The following DIP2B variants were observed in gnomAD, a reference collection of about 807,000 sequenced individuals.
DIP2B encodes the protein disco-interacting protein 2 homolog B.
Under a neutral mutation model 198.0 loss-of-function variants are expected in DIP2B, and 76 were observed. The ratio of observed to expected loss-of-function variants is 0.38; its 90% confidence interval spans 0.32 to 0.46. The LOEUF (loss-of-function observed/expected upper bound fraction) is 0.46. Ranked by LOEUF, DIP2B falls within the 20% of genes least tolerant of loss-of-function variation. DIP2B has a pLI of 0.99. For missense variants in DIP2B, 1,559 were observed against 1,978.4 expected (o/e 0.79, Z 4.02); for synonymous variants, 701 against 739.1 (o/e 0.95, Z 0.84).
chr12:50,555,906 C>T (rs1387572489), intron 1 of DIP2B, among the ~76,000 whole-genome samples: 1 of 152,150 alleles, frequency 6.6e-6, no homozygotes, highest in Non-Finnish European at 1.5e-5. Flanking sequence ...GATAGCCTGG[C>T]CATGTTTGTG....
intron 1 of DIP2B, among the ~76,000 whole-genome samples, chr12:50,518,349 C>T (rs1463176499): frequency 1.3e-5 from 2 of 152,000 alleles, no homozygotes; most frequent in African/African-American, 2.4e-5. Flanking sequence ...TTCAGCCTCC[C>T]GAGTAGCTGG....
chr12:50,643,405 C>CTGTGTGTGTGTGTGTGTG (rs57483938), intron 3 of DIP2B, among the ~76,000 whole-genome samples: 37 of 131,090 alleles, frequency 2.8e-4, no homozygotes, highest in Non-Finnish European at 5.3e-4. Flanking sequence ...GGGAGTTTTT[C>CTGTGTGTGTGTGTGTGTG]TGTGTGTGTG....
chr12:50,579,639 A>T (rs1958699951), intron 1 of DIP2B, among the ~76,000 whole-genome samples: 2 of 23,808 alleles, frequency 8.4e-5, no homozygotes, highest in African/African-American at 2.1e-4. Flanking sequence ...AAAAAAAAAA[A>T]AAAAAATATA....
intron 12 of DIP2B, among the ~76,000 whole-genome samples, chr12:50,690,310 T>C (rs990812066): frequency 2.6e-5 from 4 of 152,136 alleles, no homozygotes; most frequent in Non-Finnish European, 4.4e-5. Context: ...GTGGTCTCGA[T>C]CTCCTGACCT....
intron 1 of DIP2B, among the ~76,000 whole-genome samples, chr12:50,550,176 T>C (rs1958415623): frequency 6.6e-6 from 1 of 152,222 alleles, no homozygotes; most frequent in Admixed American, 6.5e-5. Context: ...TAGTTTTGTA[T>C]GTAATGGATA....
chr12:50,509,216 C>T (rs1294664195), intron 1 of DIP2B, among the ~76,000 whole-genome samples: 1 of 152,162 alleles, frequency 6.6e-6, no homozygotes, highest in African/African-American at 2.4e-5. Flanking sequence ...TGTACAGAGG[C>T]TGCCTTCTAA....
intron 14 of DIP2B, 143 bp downstream of exon 14, chr12:50,693,156 C>A: frequency 1.4e-6 from 1 of 719,760 alleles, no homozygotes; most frequent in Non-Finnish European, 2.3e-6. Context: ...GCTATATAAC[C>A]TTTCCACTGG....
At chr12:50,701,371 G>A (rs1939413199) in intron 19 of DIP2B, among the ~76,000 whole-genome samples, 1 of 152,100 alleles carries the variant, frequency 6.6e-6, no homozygotes, top group Non-Finnish European at 1.5e-5. Context: ...TTGTTTTGTG[G>A]TTTGTTTTTT....
chr12:50,703,269 G>A (rs1420829162), intron 19 of DIP2B, among the ~76,000 whole-genome samples: 1 of 151,262 alleles, frequency 6.6e-6, no homozygotes, highest in Non-Finnish European at 1.5e-5. Context: ...TTAACAATAG[G>A]ATATATTTTT....
intron 1 of DIP2B, among the ~76,000 whole-genome samples, chr12:50,599,685 T>C (rs1958919171): frequency 6.6e-6 from 1 of 152,240 alleles, no homozygotes; most frequent in Non-Finnish European, 1.5e-5. Flanking sequence ...AGGGATGGTC[T>C]GATTTCATTA....
chr12:50,554,897 A>T (rs1348264440), intron 1 of DIP2B, among the ~76,000 whole-genome samples: 1 of 151,646 alleles, frequency 6.6e-6, no homozygotes, highest in African/African-American at 2.4e-5. Context: ...GCTCCCGAGT[A>T]GTTGGAACTA....
At chr12:50,533,360 T>A (rs945618264) in intron 1 of DIP2B, among the ~76,000 whole-genome samples, 4 of 152,188 alleles carry the variant, frequency 2.6e-5, no homozygotes, top group African/African-American at 9.7e-5. Flanking sequence ...TTGTTTTTCT[T>A]TTGCTGTCAG....
Position 50,731,482 on chromosome 12 carries a change from A to G in DIP2B, c.3755A>G (p.Tyr1252Cys). 6.2e-7 allele frequency: 1 copy of G among 1,614,134 alleles called. No homozygotes were observed. Among genetic ancestry groups the G allele is most frequent in the Non-Finnish European group, 8.5e-7 (1 of 1,180,000 alleles). Residue 1252 changes from tyrosine to cysteine, a missense_variant, in exon 31 of 38, where the codon TAT becomes TGT. By Grantham distance (194) the Tyr-to-Cys change is radical (BLOSUM62 -2). Transcript: ENST00000301180. ...QYKIRDTFCS[Y>C]SVMELCTKGL... ...AAAATAAGGGACACTTTCTGCTCCT[A>G]TTCAGTGATGGAGCTCTGCACCAAA...
intron 22 of DIP2B, among the ~76,000 whole-genome samples, chr12:50,710,909 C>T (rs920701860): frequency 6.6e-6 from 1 of 152,136 alleles, no homozygotes; most frequent in Non-Finnish European, 1.5e-5. Context: ...AAGGGGCAGA[C>T]GTGCAAAGAG....
intron 1 of DIP2B, among the ~76,000 whole-genome samples, chr12:50,600,997 A>G (rs1342238848): frequency 6.7e-6 from 1 of 148,418 alleles, no homozygotes; most frequent in African/African-American, 2.5e-5. Flanking sequence ...GGTCTGCTGG[A>G]TTGCCTGCCT....
chr12:50,653,754 A>T (rs1938504427), intron 3 of DIP2B, among the ~76,000 whole-genome samples: 1 of 151,062 alleles, frequency 6.6e-6, no homozygotes, highest in Non-Finnish European at 1.5e-5. Flanking sequence ...AAAGCTAAGG[A>T]TTTGTCAATT....
chr12:50,660,385 T>A, intron 4 of DIP2B, 66 bp downstream of exon 4: 1 of 1,478,130 alleles, frequency 6.8e-7, no homozygotes, highest in Non-Finnish European at 9.0e-7. Context: ...TAAGTTCTGC[T>A]TTTTCTTTTC....
Position 50,718,469 on chromosome 12 carries a change from G to GT in DIP2B, c.2852-233dup, listed in dbSNP as rs960871626. Reference sequence around the variant, plus strand: ...TCCCTCCTGTTTTCTTGTTTGTTTGGTTTTTTTCCAGTACTTTGCACTATT... The same window carrying GT: ...TCCCTCCTGTTTTCTTGTTTGTTTGGTTTTTTTTCCAGTACTTTGCACTATT... On this transcript the variant is annotated intron_variant, in intron 23 of 37. Coordinates refer to ENST00000301180, the MANE Select transcript of DIP2B (RefSeq NM_173602.3). 5.9e-5 allele frequency among the ~76,000 whole-genome samples: 9 copies of GT among 152,138 alleles called. No homozygotes were observed. In the East Asian group the frequency reaches 1.5e-3, roughly 26 times the overall value.
At chr12:50,663,058 G>A (rs1260181217) in intron 4 of DIP2B, among the ~76,000 whole-genome samples, 4 of 152,128 alleles carry the variant, frequency 2.6e-5, no homozygotes, top group South Asian at 2.1e-4. Flanking sequence ...GCAGTGAGCC[G>A]AGATCGCGCC....
Sources: gnomAD v4.1 joint callset for allele counts (sites outside exome capture counted in the v4.1 genomes callset) on GRCh38, gnomAD v4.1.1 for gene constraint, MANE v1.5 for transcripts, NCBI Gene and HGNC (gene_info 2026-07-23, HGNC 2026-07-21) for gene names.